Variants in SCPEP1 observed in about 807,000 individuals in gnomAD.
The protein encoded by SCPEP1 is serine carboxypeptidase 1, also known as retinoid-inducible serine carboxypeptidase.
A neutral mutation model predicts 63.8 loss-of-function variants in SCPEP1; 51 were observed. The observed-to-expected ratio is 0.80, with a 90% CI of 0.64 to 1.01. The LOEUF (loss-of-function observed/expected upper bound fraction) is 1.01. Among genes scored for constraint, SCPEP1 ranks in the 50% least tolerant of loss-of-function variants. The pLI is 0.00. For missense variants in SCPEP1, 499 were observed against 554.9 expected, an observed-to-expected ratio of 0.90 and a Z score of 1.01; for synonymous variants, 204 against 207.8, an observed-to-expected ratio of 0.98 and a Z score of 0.16.
intron 2 of SCPEP1, chr17:56,984,643 G>A (rs1176669620): frequency 6.6e-6 from 1 of 152,260 alleles, no homozygotes; most frequent in Non-Finnish European, 1.5e-5. Context: ...TGATCAAACT[G>A]CTTCTAAGTC....
chr17:56,988,068 G>T (rs1030377299), intron 4 of SCPEP1, 148 bp from the exon 5 acceptor site: 1 of 748,572 alleles, frequency 1.3e-6, no homozygotes. Context: ...CTAATCAGAC[G>T]CAATAATCAG....
chr17:56,995,724 T>TCAGTGTAGACTCCA, intron 8 of SCPEP1, 89 bp downstream of exon 8: 2 of 1,389,870 alleles, frequency 1.4e-6, no homozygotes, highest in Non-Finnish European at 1.9e-6. Flanking sequence ...ACTTGGAGTC[T>TCAGTGTAGACTCCA]ACACTGAGGC....
At chr17:56,982,477 C>T (rs1007789536) in intron 2 of SCPEP1, among the ~76,000 whole-genome samples, 2 of 152,148 alleles carry the variant, frequency 1.3e-5, no homozygotes, top group Non-Finnish European at 2.9e-5. Context: ...GCCCCAGGTG[C>T]GGTTATGATA....
chr17:57,005,178 CCTCATGGTGGCA>C (rs1290919039), intron 12 of SCPEP1, among the ~76,000 whole-genome samples: 1 of 152,224 alleles, frequency 6.6e-6, no homozygotes, highest in Non-Finnish European at 1.5e-5. Context: ...CCACTTGTGG[CCTCATGGTGGCA>C]CTCAAAAAGG....
intron 2 of SCPEP1, 46 bp from the exon 3 acceptor site, chr17:56,985,332 C>T (rs1911182905): frequency 6.9e-7 from 1 of 1,446,792 alleles, no homozygotes; most frequent in Non-Finnish European, 9.7e-7. Flanking sequence ...ATTGTAAAGA[C>T]TAAGATCTGA....
At chr17:56,998,330 T>C (rs758256376) in intron 9 of SCPEP1, 55 bp from the exon 10 acceptor site, 1 of 1,141,382 alleles carries the variant, frequency 8.8e-7, no homozygotes, top group Non-Finnish European at 1.3e-6. Flanking sequence ...AAAAAAGATG[T>C]CCTCTTGGCC....
At position 56,996,971 on chromosome 17, in the gene SCPEP1, G is replaced by A. The variant is rs1284822731; in HGVS notation, c.796G>A (p.Gly266Arg). 2 of 1,601,094 alleles carry A rather than the reference G, an allele frequency of 1.2e-6. No individual in the cohort carries two copies. Among genetic ancestry groups the A allele is most frequent in the Admixed American group, 1.8e-5 (1 of 57,090 alleles). The change falls in exon 9 of 13, where the codon GGG (glycine) becomes AGG (arginine). Residue 266 changes from glycine (G) to arginine (R), a missense_variant. By Grantham distance (125) the Gly-to-Arg change is moderately radical. Transcript: ENST00000262288. ...AACTTTTATATTTCAGAACACAGATGGGGTGAACTTCTATAACATCTTAAC... is the reference window on the plus strand; with the variant it reads ...AACTTTTATATTTCAGAACACAGATAGGGTGAACTTCTATAACATCTTAAC... Reference protein sequence around the residue: ...AEMIIEQNTDGVNFYNILTKS... With the variant: ...AEMIIEQNTDRVNFYNILTKS...
chr17:56,989,672 C>T (rs1029633810), intron 5 of SCPEP1, among the ~76,000 whole-genome samples: 13 of 152,212 alleles, frequency 8.5e-5, no homozygotes, highest in African/African-American at 7.2e-5. Flanking sequence ...TCCAGGCGGG[C>T]GCGGTGGCTC....
At chr17:56,986,823 G>C (rs1203940695) in intron 3 of SCPEP1, among the ~76,000 whole-genome samples, 1 of 152,192 alleles carries the variant, frequency 6.6e-6, no homozygotes, top group Non-Finnish European at 1.5e-5. Context: ...GGGATTACAG[G>C]CGTGAGCCAC....
At position 56,981,096 on chromosome 17, in the gene SCPEP1, TGGCCCACAGAGGAGGGCAA is replaced by T; in HGVS notation, c.94_112del (p.Pro32LysfsTer6). On this transcript the variant is annotated frameshift_variant, in exon 2 of 13. Transcript: ENST00000262288. LOFTEE classifies it high-confidence loss of function. Reference sequence around the variant, plus strand: ...TTCTGTTTCAGGAGCTGTCATTGACTGGCCCACAGAGGAGGGCAAGGAAGTATGGGATTATGTGACGGTC... The same window carrying T: ...TTCTGTTTCAGGAGCTGTCATTGACTGGAAGTATGGGATTATGTGACGGTC... 1 of 1,614,176 alleles carries T rather than the reference TGGCCCACAGAGGAGGGCAA, an allele frequency of 6.2e-7. No individual in the cohort carries two copies. The highest frequency in any genetic ancestry group is 8.5e-7 in the Non-Finnish European group (1 of 1,180,002).
In SCPEP1 at chr17:56,978,199, T is replaced by C; in HGVS notation, c.40T>C (p.Leu14=). The part of the protein sequence containing the change: ...ALRRSPVPRW[L]LLLPLLLGLN... The stretch of plus-strand genomic sequence containing the variant: ...GCGGCGCTCTCCCGTCCCGCGGTGG[T>C]TGCTGCTGCTGCCGCTGCTGCTGGG... Residue 14 remains leucine (L), a synonymous_variant, in exon 1 of 13, where the codon TTG becomes CTG. Coordinates refer to ENST00000262288, the MANE Select transcript of SCPEP1 (RefSeq NM_021626.3). 1 of 1,567,104 alleles carries C rather than the reference T, an allele frequency of 6.4e-7. No individual in the cohort carries two copies. Among genetic ancestry groups the C allele is most frequent in the South Asian group, 1.2e-5 (1 of 86,952 alleles).
At chr17:56,993,190 T>C (rs1373906203) in intron 6 of SCPEP1, among the ~76,000 whole-genome samples, 1 of 152,188 alleles carries the variant, frequency 6.6e-6, no homozygotes, top group East Asian at 1.9e-4. Flanking sequence ...TTGCCACATG[T>C]GACTATATAA....
At chr17:57,004,975 A>G (rs540154575) in intron 12 of SCPEP1, among the ~76,000 whole-genome samples, 93 of 152,390 alleles carry the variant, frequency 6.1e-4, no homozygotes, top group Non-Finnish European at 1.0e-3. Context: ...GCACAGTAGC[A>G]TGACCAGAAT....
chr17:57,006,125 C>T, intron 12 of SCPEP1, 48 bp from the exon 13 acceptor site: 1 of 1,498,550 alleles, frequency 6.7e-7, no homozygotes, highest in Non-Finnish European at 9.2e-7. Context: ...TGACCCCAGC[C>T]CCAGGAATAG....
intron 5 of SCPEP1, 36 bp from the exon 6 acceptor site, chr17:56,991,063 A>C (rs1830560926): frequency 6.5e-7 from 1 of 1,529,228 alleles, no homozygotes; most frequent in African/African-American, 1.4e-5. Context: ...GAGCCACTGC[A>C]CCTGGCCTGA....
chr17:56,978,803 T>G (rs1484260415), intron 1 of SCPEP1, among the ~76,000 whole-genome samples: 1 of 152,238 alleles, frequency 6.6e-6, no homozygotes, highest in East Asian at 1.9e-4. Flanking sequence ...CACTGAGAAT[T>G]GGAACTGGCC....
intron 12 of SCPEP1, among the ~76,000 whole-genome samples, chr17:57,002,391 G>A (rs769756009): frequency 3.3e-5 from 5 of 152,098 alleles, no homozygotes; most frequent in African/African-American, 4.8e-5. Flanking sequence ...ACCAGCCTGG[G>A]CCACATGGAG....
intron 3 of SCPEP1, 138 bp from the exon 4 acceptor site, chr17:56,987,557 C>T: frequency 7.2e-6 from 5 of 696,754 alleles, no homozygotes; most frequent in South Asian, 4.0e-5. Flanking sequence ...TTAAAAATCT[C>T]TTTTAGCAAC....
At chr17:56,991,306 C>T (rs530623387) in intron 6 of SCPEP1, 135 bp downstream of exon 6, 1 of 748,352 alleles carries the variant, frequency 1.3e-6, no homozygotes, top group South Asian at 1.5e-5. Flanking sequence ...TTTGCTACAT[C>T]CAAGAAATAT....
Sources: allele counts gnomAD v4.1 joint callset (sites outside exome capture counted in the v4.1 genomes callset), GRCh38; gene constraint gnomAD v4.1.1; transcripts MANE v1.5; gene names NCBI Gene and HGNC (gene_info 2026-07-23, HGNC 2026-07-21).